The following EVA1A variants were observed in gnomAD, a reference collection of about 807,000 sequenced individuals.
The protein encoded by EVA1A is protein eva-1 homolog A.
A neutral mutation model predicts 9.8 loss-of-function variants in EVA1A; 7 were observed. The observed-to-expected ratio is 0.71, with a 90% CI of 0.41 to 1.34. The LOEUF (loss-of-function observed/expected upper bound fraction) is 1.34. EVA1A is among the 40% of genes most tolerant of loss of function. EVA1A has a pLI of 0.01. For missense variants in EVA1A, 206 were observed against 205.9 expected, an observed-to-expected ratio of 1.00 and a Z score of 0.00; for synonymous variants, 90 against 85.6, an observed-to-expected ratio of 1.05 and a Z score of -0.28.
chr2:75,542,768 G>A (rs1310971162), intron 1 of EVA1A: 1 of 152,180 alleles, frequency 6.6e-6, no homozygotes, highest in African/African-American at 2.4e-5. Flanking sequence ...CACCCTTCAT[G>A]GAGAAGATGT....
intron 1 of EVA1A, among the ~76,000 whole-genome samples, chr2:75,554,782 C>T (rs534122463): frequency 6.6e-6 from 1 of 152,290 alleles, no homozygotes; most frequent in Admixed American, 6.5e-5. Context: ...CTCCTGGGAC[C>T]ACTTCCCTGG....
intron 1 of EVA1A, among the ~76,000 whole-genome samples, chr2:75,550,191 G>A (rs1676472532): frequency 6.6e-6 from 1 of 152,116 alleles, no homozygotes; most frequent in Non-Finnish European, 1.5e-5. Context: ...ACTTTAAATG[G>A]CAGTGGTCAA....
intron 1 of EVA1A, among the ~76,000 whole-genome samples, chr2:75,549,267 C>T (rs1426980428): frequency 1.3e-5 from 2 of 151,904 alleles, no homozygotes. Context: ...AAATTCAGAC[C>T]CTGTGGAATA....
At chr2:75,532,506 T>C (rs765713782) in intron 1 of EVA1A, among the ~76,000 whole-genome samples, 6 of 152,082 alleles carry the variant, frequency 3.9e-5, no homozygotes, top group Non-Finnish European at 5.9e-5. Flanking sequence ...ATGGGCTTGA[T>C]AGTAAATGGA....
intron 1 of EVA1A, among the ~76,000 whole-genome samples, chr2:75,528,740 C>A (rs547625608): frequency 6.6e-6 from 1 of 152,112 alleles, no homozygotes; most frequent in South Asian, 2.1e-4. Flanking sequence ...ATAGCACCCC[C>A]CATTGCCTGA....
At chr2:75,506,628 G>T (rs1674629924) in intron 3 of EVA1A, among the ~76,000 whole-genome samples, 1 of 152,168 alleles carries the variant, frequency 6.6e-6, no homozygotes, top group Non-Finnish European at 1.5e-5. Flanking sequence ...ATGCAGGGAG[G>T]ATGCACAAAA....
chr2:75,501,782 T>A (rs1054833093), intron 3 of EVA1A, among the ~76,000 whole-genome samples: 8 of 152,164 alleles, frequency 5.3e-5, no homozygotes, highest in African/African-American at 1.9e-4. Flanking sequence ...TAAGTGGGAA[T>A]CAGCAGGCGA....
At chr2:75,496,564 C>T (rs995960756) in intron 3 of EVA1A, among the ~76,000 whole-genome samples, 1 of 152,172 alleles carries the variant, frequency 6.6e-6, no homozygotes, top group Admixed American at 6.5e-5. Flanking sequence ...ACTCCATGCT[C>T]ATGGATTGGA....
intron 1 of EVA1A, chr2:75,540,686 A>T (rs1274346385): frequency 6.6e-6 from 1 of 152,218 alleles, no homozygotes; most frequent in East Asian, 1.9e-4. Context: ...TAAGTCAGTC[A>T]TGGAGGCTGT....
intron 3 of EVA1A, among the ~76,000 whole-genome samples, chr2:75,505,866 C>T (rs1674602429): frequency 6.6e-6 from 1 of 152,072 alleles, no homozygotes; most frequent in Non-Finnish European, 1.5e-5. Flanking sequence ...AATTTCACAA[C>T]CTGAATATAA....
chr2:75,555,301 A>ATCTCTCCCTCTCTCTCTC (rs1553421938), intron 1 of EVA1A, among the ~76,000 whole-genome samples: 4 of 57,208 alleles, frequency 7.0e-5, no homozygotes, highest in African/African-American at 2.1e-4. Context: ...TCAAAACTCA[A>ATCTCTCCCTCTCTCTCTC]TCTCTCTCTC....
chr2:75,556,730 G>A (rs547315076), intron 1 of EVA1A, among the ~76,000 whole-genome samples: 120 of 152,200 alleles, frequency 7.9e-4, no homozygotes, highest in Admixed American at 3.0e-3. Flanking sequence ...AGGGGGAGAT[G>A]GTTTCAGGAT....
chr2:75,559,787 G>A (rs1676857790), intron 1 of EVA1A, among the ~76,000 whole-genome samples: 1 of 151,830 alleles, frequency 6.6e-6, no homozygotes, highest in Non-Finnish European at 1.5e-5. Flanking sequence ...TGTATGTGTG[G>A]TATAGACCAG....
intron 1 of EVA1A, among the ~76,000 whole-genome samples, chr2:75,547,075 C>T (rs1481410520): frequency 6.6e-6 from 1 of 152,152 alleles, no homozygotes; most frequent in African/African-American, 2.4e-5. Context: ...TTCTAAGCCA[C>T]CCAATTTGTG....
chr2:75,566,567 A>G (rs1677032762), intron 1 of EVA1A, among the ~76,000 whole-genome samples: 1 of 152,204 alleles, frequency 6.6e-6, no homozygotes, highest in Non-Finnish European at 1.5e-5. Context: ...ATTGAGTAAA[A>G]AGCAGCAATT....
At chr2:75,497,207 A>G (rs1674242434) in intron 3 of EVA1A, among the ~76,000 whole-genome samples, 1 of 152,238 alleles carries the variant, frequency 6.6e-6, no homozygotes, top group Non-Finnish European at 1.5e-5. Flanking sequence ...TAAACTAAAG[A>G]GCCTCTTCAC....
At chr2:75,564,480 G>A (rs181427211), upstream of EVA1A, among the ~76,000 whole-genome samples, 6 of 152,314 alleles carry the variant, frequency 3.9e-5, no homozygotes, top group South Asian at 8.3e-4. Flanking sequence ...CTCCCATGGC[G>A]CTGGTGGTCA....
At chr2:75,525,027 C>A (rs1256346086) in intron 1 of EVA1A, among the ~76,000 whole-genome samples, 1 of 151,916 alleles carries the variant, frequency 6.6e-6, no homozygotes, top group African/African-American at 2.4e-5. Context: ...CACCTTCTTG[C>A]CCCATATACA....
At chr2:75,564,123 A>G (rs1241207486), upstream of EVA1A, among the ~76,000 whole-genome samples, 2 of 152,220 alleles carry the variant, frequency 1.3e-5, no homozygotes, top group Admixed American at 6.5e-5. Flanking sequence ...CAAATTCTCA[A>G]TGGCTACCTT....
Sources: gnomAD v4.1 joint callset for allele counts (sites outside exome capture counted in the v4.1 genomes callset) on GRCh38, gnomAD v4.1.1 for gene constraint, MANE v1.5 for transcripts, NCBI Gene and HGNC (gene_info 2026-07-23, HGNC 2026-07-21) for gene names.